The following ELP1 variants were observed in gnomAD, a reference collection of about 807,000 sequenced individuals.
ELP1 encodes the protein elongator complex protein 1.
A neutral mutation model predicts 183.2 loss-of-function variants in ELP1; 131 were observed. The ratio of observed to expected loss-of-function variants is 0.72; its 90% CI spans 0.62 to 0.83. The LOEUF is 0.83. Ranked by LOEUF, ELP1 falls within the 40% of genes least tolerant of loss-of-function variation. ELP1 has a pLI of 0.00. For missense variants in ELP1, 1,550 were observed against 1,594.9 expected (o/e 0.97, Z 0.48); for synonymous variants, 555 against 569.0 (o/e 0.98, Z 0.35).
At chr9:108,906,622 T>C in intron 13 of ELP1, 137 bp from the exon 14 acceptor site, 1 of 681,504 alleles carries the variant, frequency 1.5e-6, no homozygotes, top group South Asian at 1.6e-5. Flanking sequence ...CCTGAGATAC[T>C]ACCAAATACT....
chr9:108,902,041 T>C (rs748951971), intron 16 of ELP1, among the ~76,000 whole-genome samples: 1 of 152,212 alleles, frequency 6.6e-6, no homozygotes, highest in Admixed American at 6.5e-5. Flanking sequence ...CACATTACTC[T>C]GTTATTAAAA....
chr9:108,903,822 TATACAC>T (rs973428580), intron 14 of ELP1, among the ~76,000 whole-genome samples, 153 bp from the exon 15 acceptor site: 12 of 55,152 alleles, frequency 2.2e-4, no homozygotes, highest in African/African-American at 6.7e-4. Context: ...CACCCAATAC[TATACAC>T]ACACACACAC....
chr9:108,878,509 T>A lies in ELP1; in HGVS notation c.3700+114A>T, dbSNP rs577304594. The A allele has an allele frequency of 3.1e-4, 433 of 1,406,902 alleles. 9 individuals are homozygous for A. In the South Asian group the frequency reaches 4.7e-3, roughly 15 times the overall value. The allele number at this position is 1,406,902 out of a possible 1,614,324, so 87.2% of individuals were successfully genotyped here. ...TGACCCTTCCTGCTAAAAGTTCTCA[T>A]CTTTCCTCAAATTGGGAAAATGGTA... On this transcript the variant is annotated intron_variant, in intron 34 of 36. Transcript: ENST00000374647.
intron 25 of ELP1, among the ~76,000 whole-genome samples, chr9:108,895,558 A>C (rs1828508892): frequency 6.6e-6 from 1 of 152,204 alleles, no homozygotes; most frequent in Admixed American, 6.5e-5. Flanking sequence ...GACAATACCA[A>C]GAAGTGAGAA....
intron 13 of ELP1, among the ~76,000 whole-genome samples, chr9:108,907,216 C>A (rs1370410281): frequency 1.3e-5 from 2 of 152,180 alleles, no homozygotes; most frequent in Non-Finnish European, 2.9e-5. Context: ...TTGCCAACCC[C>A]AAACCTATCC....
intron 25 of ELP1, 127 bp downstream of exon 25, chr9:108,896,369 A>G: frequency 1.2e-6 from 1 of 839,080 alleles, no homozygotes; most frequent in Non-Finnish European, 2.0e-6. Context: ...AGAAACTCAC[A>G]GATCTGTCTC....
chr9:108,881,503 C>G (rs1169282010), intron 31 of ELP1, among the ~76,000 whole-genome samples: 1 of 152,160 alleles, frequency 6.6e-6, no homozygotes, highest in Non-Finnish European at 1.5e-5. Flanking sequence ...AGGTTTCTAA[C>G]ATTTAAATAT....
At chr9:108,925,227 TATC>T (rs1464137244) in intron 5 of ELP1, among the ~76,000 whole-genome samples, 3 of 152,158 alleles carry the variant, frequency 2.0e-5, no homozygotes, top group Non-Finnish European at 2.9e-5. Context: ...TTAAACCTCT[TATC>T]ATCAAAACTT....
intron 10 of ELP1, 36 bp from the exon 11 acceptor site, chr9:108,912,530 T>G (rs771525461): frequency 6.7e-7 from 1 of 1,500,562 alleles, no homozygotes; most frequent in African/African-American, 1.4e-5. Context: ...CGTTAGAGGC[T>G]GGGAAGCAGA....
chr9:108,890,640 C>T (rs956366636), intron 28 of ELP1, among the ~76,000 whole-genome samples: 4 of 152,188 alleles, frequency 2.6e-5, no homozygotes, highest in Non-Finnish European at 4.4e-5. Context: ...AGCTAAACTG[C>T]CTTTGCTTTC....
chr9:108,919,154 T>A, intron 7 of ELP1, 99 bp downstream of exon 7: 2 of 838,748 alleles, frequency 2.4e-6, no homozygotes, highest in South Asian at 1.5e-5. Flanking sequence ...CTCATATGTA[T>A]AATTAATACC....
rs1828570638 is a variant in ELP1 at position 108,896,881 on chromosome 9, T to C, written c.2587+72A>G. The C allele has an allele frequency of 3.0e-6, 4 of 1,333,504 alleles. No homozygotes were observed. The African/African-American group carries it at 5.8e-5, about 19-fold the overall frequency. 82.6% of individuals were successfully genotyped at this position (1,333,504 alleles called of 1,614,324 possible). ...AATCTGTGGTGTGGCAATGACATGG[T>C]GATTGTCACCTGCAGAAGACTAGTA... On this transcript the variant is annotated intron_variant, in intron 24 of 36. Transcript: ENST00000374647.
chr9:108,915,681 C>T (rs577984208), intron 10 of ELP1, among the ~76,000 whole-genome samples: 64 of 145,338 alleles, frequency 4.4e-4, no homozygotes, highest in Non-Finnish European at 8.3e-4. Flanking sequence ...TATTCCCTCT[C>T]TCACCGTCTC....
chr9:108,889,552 C>T, intron 28 of ELP1, 159 bp from the exon 29 acceptor site: 1 of 700,402 alleles, frequency 1.4e-6, no homozygotes, highest in Non-Finnish European at 2.5e-6. Context: ...TAAATGGCAG[C>T]TAGAATCTAA....
intron 29 of ELP1, among the ~76,000 whole-genome samples, chr9:108,887,021 C>A (rs1009062369): frequency 6.6e-6 from 1 of 151,776 alleles, no homozygotes; most frequent in African/African-American, 2.4e-5. Context: ...CCAGCCTGGG[C>A]AACATGGCAA....
At chr9:108,878,538 T>C in intron 34 of ELP1, 85 bp downstream of exon 34, 1 of 1,552,716 alleles carries the variant, frequency 6.4e-7, no homozygotes, top group Non-Finnish European at 8.9e-7. Flanking sequence ...AATGGTAGCT[T>C]AATCACCTAC....
intron 12 of ELP1, among the ~76,000 whole-genome samples, chr9:108,910,681 A>G (rs576538574): frequency 2.6e-5 from 4 of 152,318 alleles, no homozygotes; most frequent in Admixed American, 2.0e-4. Flanking sequence ...AGATCAACTG[A>G]AAATATGTGT....
At chr9:108,925,713 C>A (rs1216564468) in intron 5 of ELP1, among the ~76,000 whole-genome samples, 1 of 152,128 alleles carries the variant, frequency 6.6e-6, no homozygotes, top group African/African-American at 2.4e-5. Context: ...CCAAGCCCAG[C>A]TAATTTTTAA....
At chr9:108,878,197 A>T (rs768852660) in intron 34 of ELP1, 48 bp from the exon 35 acceptor site, 70 of 1,525,834 alleles carry the variant, frequency 4.6e-5, no homozygotes, top group Non-Finnish European at 4.8e-5. Context: ...TCCCAGCTCC[A>T]TTGACAGAAT....
Sources: gnomAD v4.1 joint callset for allele counts (sites outside exome capture counted in the v4.1 genomes callset) on GRCh38, gnomAD v4.1.1 for gene constraint, MANE v1.5 for transcripts, NCBI Gene and HGNC (gene_info 2026-07-23, HGNC 2026-07-21) for gene names.